The following PPM1L variants were observed in gnomAD, a reference collection of about 807,000 sequenced individuals.
PPM1L encodes protein phosphatase 1L.
PPM1L carries 13 observed loss-of-function variants against 31.4 expected under a neutral mutation model. The ratio of observed to expected loss-of-function variants is 0.41; its 90% CI spans 0.27 to 0.66. PPM1L has a LOEUF of 0.66. PPM1L is among the 30% of genes least tolerant of loss of function. PPM1L has a pLI of 0.29. For synonymous variants in PPM1L, 184 were observed against 175.4 expected, an observed-to-expected ratio of 1.05 and a Z score of -0.39; for missense variants, 326 against 453.7, an observed-to-expected ratio of 0.72 and a Z score of 2.56.
At chr3:160,849,179 C>T (rs1397617521) in intron 1 of PPM1L, among the ~76,000 whole-genome samples, 2 of 152,074 alleles carry the variant, frequency 1.3e-5, no homozygotes, top group Non-Finnish European at 2.9e-5. Flanking sequence ...CTTTTTTTCA[C>T]AGCTACACAT....
chr3:160,828,315 A>G (rs1156983628), intron 1 of PPM1L, among the ~76,000 whole-genome samples: 1 of 152,112 alleles, frequency 6.6e-6, no homozygotes, highest in Non-Finnish European at 1.5e-5. Flanking sequence ...TAAAGTCATG[A>G]CAGCTGATCT....
chr3:160,990,728 C>A (rs879504917), intron 2 of PPM1L, among the ~76,000 whole-genome samples: 3 of 152,126 alleles, frequency 2.0e-5, no homozygotes, highest in Non-Finnish European at 4.4e-5. Flanking sequence ...AAGCGATTCC[C>A]AAAATACTCT....
At chr3:160,824,056 T>C (rs1169409651) in intron 1 of PPM1L, among the ~76,000 whole-genome samples, 1 of 152,164 alleles carries the variant, frequency 6.6e-6, no homozygotes, top group East Asian at 1.9e-4. Flanking sequence ...GATTGAATAT[T>C]TGTATCCCCA....
intron 1 of PPM1L, among the ~76,000 whole-genome samples, chr3:160,926,047 G>T (rs1714575358): frequency 6.6e-6 from 1 of 152,178 alleles, no homozygotes; most frequent in African/African-American, 2.4e-5. Flanking sequence ...GAATGAGAGA[G>T]ACGGGTCTTG....
At chr3:160,998,305 TG>T (rs1362410107) in intron 2 of PPM1L, among the ~76,000 whole-genome samples, 1 of 152,188 alleles carries the variant, frequency 6.6e-6, no homozygotes, top group African/African-American at 2.4e-5. Flanking sequence ...CTGTTCTAAT[TG>T]ATTAGCACCT....
At chr3:160,984,117 A>G (rs1171113394) in intron 2 of PPM1L, among the ~76,000 whole-genome samples, 2 of 152,186 alleles carry the variant, frequency 1.3e-5, no homozygotes, top group Non-Finnish European at 2.9e-5. Flanking sequence ...GCCAGGCTGG[A>G]ATTTCCTAAT....
At chr3:161,039,421 G>A (rs571710407) in intron 2 of PPM1L, among the ~76,000 whole-genome samples, 12 of 152,194 alleles carry the variant, frequency 7.9e-5, no homozygotes, top group African/African-American at 2.9e-4. Context: ...AAGCAGTAAG[G>A]AGGGGGCGTG....
chr3:160,933,106 G>A (rs1277883405), intron 1 of PPM1L, among the ~76,000 whole-genome samples: 1 of 152,164 alleles, frequency 6.6e-6, no homozygotes, highest in African/African-American at 2.4e-5. Flanking sequence ...AGTTGAGAAA[G>A]TGAGGCACAT....
chr3:161,053,265 A>G (rs1719325976), intron 2 of PPM1L, among the ~76,000 whole-genome samples: 1 of 152,238 alleles, frequency 6.6e-6, no homozygotes, highest in Non-Finnish European at 1.5e-5. Flanking sequence ...TATGAGAAGT[A>G]TGTTAATGAG....
At chr3:160,929,585 TC>T (rs753106692) in intron 1 of PPM1L, among the ~76,000 whole-genome samples, 1 of 152,238 alleles carries the variant, frequency 6.6e-6, no homozygotes, top group Non-Finnish European at 1.5e-5. Flanking sequence ...AGCTGACTCT[TC>T]CTGCTGGTCA....
chr3:160,815,040 A>G (rs958692590), intron 1 of PPM1L, among the ~76,000 whole-genome samples: 2 of 152,098 alleles, frequency 1.3e-5, no homozygotes, highest in African/African-American at 4.8e-5. Flanking sequence ...AAGACTACAC[A>G]TTGGGTGCAG....
intron 1 of PPM1L, among the ~76,000 whole-genome samples, chr3:160,883,332 A>G (rs913587942): frequency 1.3e-5 from 2 of 152,220 alleles, no homozygotes; most frequent in Admixed American, 6.5e-5. Context: ...TTAACAAAAT[A>G]TATGTGATAT....
chr3:160,772,841 C>CT (rs908624949), intron 1 of PPM1L, among the ~76,000 whole-genome samples: 1 of 151,724 alleles, frequency 6.6e-6, no homozygotes, highest in African/African-American at 2.4e-5. Flanking sequence ...TTTTTCTGGC[C>CT]TTTTTTTTCT....
intron 1 of PPM1L, among the ~76,000 whole-genome samples, chr3:160,797,159 C>T (rs1019519580): frequency 1.2e-4 from 19 of 152,238 alleles, no homozygotes; most frequent in Admixed American, 5.2e-4. Flanking sequence ...CTTGTGCTTA[C>T]TTCTTGTCTC....
chr3:160,786,417 C>G (rs938741498), intron 1 of PPM1L, among the ~76,000 whole-genome samples: 4 of 150,094 alleles, frequency 2.7e-5, no homozygotes, highest in Admixed American at 1.3e-4. Context: ...AAGGTTTTAC[C>G]ATGTTGGCCC....
intron 1 of PPM1L, among the ~76,000 whole-genome samples, chr3:160,822,141 G>A (rs1311822862): frequency 6.6e-6 from 1 of 151,932 alleles, no homozygotes; most frequent in Non-Finnish European, 1.5e-5. Context: ...AAGTATTTAA[G>A]ATTAAGGATA....
chr3:160,779,092 GCTAC>G (rs1711659822), intron 1 of PPM1L, among the ~76,000 whole-genome samples: 1 of 109,032 alleles, frequency 9.2e-6, no homozygotes, highest in Admixed American at 9.1e-5. Context: ...TTTTTTTTTT[GCTAC>G]TTTCTGCTGT....
rs182032286 is a variant in PPM1L at position 160,914,007 on chromosome 3, C to G, written c.400-47729C>G. Among the ~76,000 whole-genome samples the G allele has an allele frequency of 5.3e-5, 8 of 152,276 alleles. No individual in the cohort carries two copies. In the East Asian group the frequency reaches 9.6e-4, roughly 18 times the overall value. On this transcript the variant is annotated intron_variant, in intron 1 of 3. Coordinates refer to ENST00000498165, the MANE Select transcript of PPM1L (RefSeq NM_139245.4). Reference sequence around the variant, plus strand: ...TTTAGCTTTATAACAAACTGACAAACTGTTTTCCAAAATGGTTGTATCATT... The same window carrying G: ...TTTAGCTTTATAACAAACTGACAAAGTGTTTTCCAAAATGGTTGTATCATT...
At chr3:160,932,390 C>T (rs1340649718) in intron 1 of PPM1L, among the ~76,000 whole-genome samples, 4 of 152,176 alleles carry the variant, frequency 2.6e-5, no homozygotes, top group Non-Finnish European at 4.4e-5. Flanking sequence ...AACTTTGTTT[C>T]TGACTTCTAT....
Sources: gnomAD v4.1 joint callset for allele counts (sites outside exome capture counted in the v4.1 genomes callset) on GRCh38, gnomAD v4.1.1 for gene constraint, MANE v1.5 for transcripts, NCBI Gene and HGNC (gene_info 2026-07-23, HGNC 2026-07-21) for gene names.